The following OR2L13 variants were observed in gnomAD, a reference collection of about 807,000 sequenced individuals.
OR2L13 encodes the protein olfactory receptor family 2 subfamily L member 13.
A neutral mutation model predicts 15.3 loss-of-function variants in OR2L13; 14 were observed. That is an observed-to-expected ratio of 0.91 (90% CI 0.60 to 1.43). OR2L13 has a LOEUF of 1.43. OR2L13 is among the 40% of genes most tolerant of loss of function. The probability of loss-of-function intolerance (pLI) is 0.00; values close to 1 mark genes in which losing one functional copy is unlikely to be tolerated. For synonymous variants in OR2L13, 152 were observed against 142.9 expected, an observed-to-expected ratio of 1.06 and a Z score of -0.45; for missense variants, 367 against 387.9, an observed-to-expected ratio of 0.95 and a Z score of 0.45.
the OR2L13 span, among the ~76,000 whole-genome samples, chr1:248,046,288 T>C: frequency 6.6e-6 from 1 of 152,200 alleles, no homozygotes; most frequent in Non-Finnish European, 1.5e-5. Context: ...AACTCCCATG[T>C]ATGCGATATT....
chr1:248,095,787 A>C (rs1489832360), upstream of OR2L13, among the ~76,000 whole-genome samples: 2 of 149,736 alleles, frequency 1.3e-5, no homozygotes, highest in Non-Finnish European at 1.5e-5. Context: ...TTGTGTTTTT[A>C]GTAGAGATGG....
chr1:247,945,663 A>G, the OR2L13 span, among the ~76,000 whole-genome samples: 3 of 152,188 alleles, frequency 2.0e-5, no homozygotes, highest in Non-Finnish European at 4.4e-5. Flanking sequence ...AACTTGTTTT[A>G]TGCATCCGGG....
the OR2L13 span, among the ~76,000 whole-genome samples, chr1:247,959,648 A>G: frequency 6.6e-6 from 1 of 151,846 alleles, no homozygotes; most frequent in Non-Finnish European, 1.5e-5. Context: ...ATTTCTTTTT[A>G]TTCTTTTTTC....
the OR2L13 span, among the ~76,000 whole-genome samples, chr1:247,958,667 C>T: frequency 1.7e-4 from 26 of 152,058 alleles, no homozygotes; most frequent in Non-Finnish European, 2.6e-4. Flanking sequence ...TAGCTCTTCT[C>T]GTTGAATTGA....
chr1:247,966,612 A>G, the OR2L13 span, among the ~76,000 whole-genome samples: 1 of 152,216 alleles, frequency 6.6e-6, no homozygotes, highest in East Asian at 1.9e-4. Context: ...TAACAGAGAG[A>G]AAAATGCATA....
At chr1:248,087,232 C>A in the OR2L13 span, among the ~76,000 whole-genome samples, 2 of 152,060 alleles carry the variant, frequency 1.3e-5, no homozygotes, top group African/African-American at 2.4e-5. Flanking sequence ...CAAATTCAAT[C>A]ATTTGACCTA....
the OR2L13 span, among the ~76,000 whole-genome samples, chr1:248,010,690 T>A: frequency 6.6e-6 from 1 of 152,082 alleles, no homozygotes; most frequent in South Asian, 2.1e-4. Context: ...TGCCCTTCTT[T>A]GTCTCTTTTG....
the OR2L13 span, chr1:247,990,744 G>A: frequency 3.0e-5 from 48 of 1,587,950 alleles, no homozygotes; most frequent in Middle Eastern, 5.0e-4. Flanking sequence ...GTGCTCACAC[G>A]GTATATGCAC....
chr1:248,021,682 T>C, the OR2L13 span, among the ~76,000 whole-genome samples: 8,120 of 152,268 alleles, frequency 0.053, 680 homozygotes, highest in African/African-American at 0.18. Flanking sequence ...AAACTGCATT[T>C]GCATAACTTT....
At chr1:247,990,324 C>T in the OR2L13 span, 8 of 1,350,538 alleles carry the variant, frequency 5.9e-6, no homozygotes, top group African/African-American at 4.3e-5. Flanking sequence ...GTCGCCACCA[C>T]CAAAAATTGG....
At chr1:248,072,254 A>G in the OR2L13 span, among the ~76,000 whole-genome samples, 6 of 152,252 alleles carry the variant, frequency 3.9e-5, no homozygotes, top group South Asian at 8.3e-4. Context: ...TAACCAAAAC[A>G]GCATGGTACT....
At chr1:248,042,492 A>G in the OR2L13 span, among the ~76,000 whole-genome samples, 2 of 152,256 alleles carry the variant, frequency 1.3e-5, no homozygotes, top group Admixed American at 6.5e-5. Flanking sequence ...GTACCCTAAA[A>G]CTTAAAGTAC....
At chr1:247,974,662 G>T in the OR2L13 span, 1 of 209,916 alleles carries the variant, frequency 4.8e-6, no homozygotes. Flanking sequence ...GGAGGTCTTG[G>T]AATGCATCCC....
the OR2L13 span, chr1:247,965,495 C>T: frequency 6.2e-7 from 1 of 1,613,616 alleles, no homozygotes; most frequent in Non-Finnish European, 8.5e-7. Flanking sequence ...GTTGCTCTGA[C>T]AGGAAATATC....
the OR2L13 span, among the ~76,000 whole-genome samples, chr1:247,957,465 G>A: frequency 6.6e-6 from 1 of 152,180 alleles, no homozygotes; most frequent in East Asian, 1.9e-4. Flanking sequence ...CATAAAATGA[G>A]TTAAGGAGGA....
chr1:247,965,707 G>A, the OR2L13 span: 1 of 1,555,800 alleles, frequency 6.4e-7, no homozygotes. Flanking sequence ...TGGTGGAACT[G>A]AAGCCCTTCT....
At chr1:248,083,551 G>A in the OR2L13 span, 4 of 967,918 alleles carry the variant, frequency 4.1e-6, no homozygotes, top group East Asian at 7.2e-5. Flanking sequence ...TTAATTTTCT[G>A]TTCATGAACT....
the OR2L13 span, among the ~76,000 whole-genome samples, chr1:248,024,885 T>C: frequency 6.6e-6 from 1 of 152,312 alleles, no homozygotes; most frequent in East Asian, 1.9e-4. Flanking sequence ...GACTTGGCGA[T>C]GCGGGCTCTT....
At chr1:248,087,690 A>G in the OR2L13 span, among the ~76,000 whole-genome samples, 320 of 152,320 alleles carry the variant, frequency 2.1e-3, no homozygotes, top group African/African-American at 7.2e-3. Flanking sequence ...CCACTTGGAA[A>G]GGTATATCAT....
Sources: gnomAD v4.1 joint callset for allele counts (sites outside exome capture counted in the v4.1 genomes callset) on GRCh38, gnomAD v4.1.1 for gene constraint, MANE v1.5 for transcripts, NCBI Gene and HGNC (gene_info 2026-07-23, HGNC 2026-07-21) for gene names.